GPHN: variants seen among roughly 807,000 people sequenced by gnomAD.
The protein encoded by GPHN is gephyrin.
Under a neutral mutation model 95.5 loss-of-function variants are expected in GPHN, and 17 were observed. The observed-to-expected ratio is 0.18, with a 90% CI of 0.12 to 0.27. The LOEUF (loss-of-function observed/expected upper bound fraction) is 0.27. Ranked by LOEUF, GPHN falls within the 10% of genes least tolerant of loss-of-function variation. The pLI is 1.00. For missense variants in GPHN, 660 were observed against 978.1 expected, an observed-to-expected ratio of 0.67 and a Z score of 4.34; for synonymous variants, 320 against 322.5, an observed-to-expected ratio of 0.99 and a Z score of 0.08.
At chr14:66,721,633 T>G (rs1218277404) in intron 2 of GPHN, among the ~76,000 whole-genome samples, 2 of 152,140 alleles carry the variant, frequency 1.3e-5, no homozygotes, top group Non-Finnish European at 1.5e-5. Flanking sequence ...CAATGTTAAT[T>G]TAAAGTCAAA....
chr14:67,301,439 T>C, the GPHN span: 1 of 1,610,918 alleles, frequency 6.2e-7, no homozygotes, highest in Non-Finnish European at 8.5e-7. Flanking sequence ...AAGAACTAAC[T>C]GCTTTGCTGA....
the GPHN span, among the ~76,000 whole-genome samples, chr14:67,299,202 T>C: frequency 0.15 from 23,514 of 152,156 alleles, 3,420 homozygotes; most frequent in East Asian, 0.42. Context: ...TCTCTATCTT[T>C]TGTGAAATAT....
the GPHN span, among the ~76,000 whole-genome samples, chr14:67,670,293 C>G: frequency 1.3e-5 from 2 of 152,138 alleles, no homozygotes; most frequent in Non-Finnish European, 2.9e-5. Flanking sequence ...CAATGTGACA[C>G]TGAGATCCCC....
At chr14:67,129,832 GGGAGGGAGGAAGGAAGGAAGGAAGGC>G (rs1432091518) in intron 17 of GPHN, among the ~76,000 whole-genome samples, 2 of 146,110 alleles carry the variant, frequency 1.4e-5, no homozygotes, top group Admixed American at 1.4e-4. Context: ...GGAAGGGAGA[GGGAGGGAGGAAGGAAGGAAGGAAGGC>G]GGAGGGAGGG....
chr14:66,814,400 CA>C (rs1391126922), intron 3 of GPHN, among the ~76,000 whole-genome samples: 1 of 152,154 alleles, frequency 6.6e-6, no homozygotes, highest in East Asian at 1.9e-4. Flanking sequence ...GGGAGGCAGG[CA>C]CCCCTGCATC....
intron 14 of GPHN, among the ~76,000 whole-genome samples, 196 bp downstream of exon 14, chr14:67,110,455 G>A (rs1206785606): frequency 1.3e-5 from 2 of 152,184 alleles, no homozygotes; most frequent in Admixed American, 6.5e-5. Context: ...TTGAAAATCT[G>A]TTGTTACAGG....
chr14:66,815,603 AG>A (rs1460407898), intron 3 of GPHN, among the ~76,000 whole-genome samples: 1 of 152,212 alleles, frequency 6.6e-6, no homozygotes, highest in Non-Finnish European at 1.5e-5. Context: ...TTTTCAGACG[AG>A]CAAATGCTAA....
chr14:67,082,378 G>C (rs113198828), intron 11 of GPHN, among the ~76,000 whole-genome samples: 79 of 152,164 alleles, frequency 5.2e-4, no homozygotes, highest in African/African-American at 1.7e-3. Context: ...AGCACCATTT[G>C]TTGAAGAGAC....
chr14:67,605,168 T>TCTTAACTATGCCGCATG, the GPHN span, among the ~76,000 whole-genome samples: 1 of 152,210 alleles, frequency 6.6e-6, no homozygotes, highest in Non-Finnish European at 1.5e-5. Context: ...AGAATTGACA[T>TCTTAACTATGCCGCATG]CTTAACTATG....
chr14:67,280,853 T>TTCCTTCCTTCCTTCCTTCCTTCCTTCCC, the GPHN span, among the ~76,000 whole-genome samples: 1 of 77,576 alleles, frequency 1.3e-5, no homozygotes, highest in Non-Finnish European at 2.1e-5. Context: ...CCTTCCTTCC[T>TTCCTTCCTTCCTTCCTTCCTTCCTTCCC]TCCCTCCCTC....
At chr14:66,959,194 T>G (rs1264084385) in intron 8 of GPHN, among the ~76,000 whole-genome samples, 1 of 152,154 alleles carries the variant, frequency 6.6e-6, no homozygotes, top group Non-Finnish European at 1.5e-5. Context: ...TTTATGTAGT[T>G]TTTTTAATTA....
intron 3 of GPHN, among the ~76,000 whole-genome samples, chr14:66,805,374 C>T (rs1320769317): frequency 6.6e-6 from 1 of 152,124 alleles, no homozygotes; most frequent in Non-Finnish European, 1.5e-5. Context: ...CATATCATTT[C>T]ACCCCTGGCC....
intron 1 of GPHN, among the ~76,000 whole-genome samples, chr14:66,555,437 T>C (rs1469330479): frequency 6.6e-6 from 1 of 152,138 alleles, no homozygotes; most frequent in African/African-American, 2.4e-5. Flanking sequence ...GTGTGGCGTA[T>C]GGTAGGTGCT....
chr14:66,920,866 G>A (rs148210442), intron 6 of GPHN, among the ~76,000 whole-genome samples: 1,832 of 152,174 alleles, frequency 0.012, 19 homozygotes, highest in Non-Finnish European at 0.018. Flanking sequence ...TTCCATTTCT[G>A]AGTTACTTCA....
At chr14:66,572,433 G>A (rs900145081) in intron 1 of GPHN, among the ~76,000 whole-genome samples, 4 of 151,558 alleles carry the variant, frequency 2.6e-5, no homozygotes, top group Non-Finnish European at 4.4e-5. Flanking sequence ...TGCGTGTTTC[G>A]TACTTTTCAG....
intron 1 of GPHN, among the ~76,000 whole-genome samples, chr14:66,518,069 C>G (rs2058322240): frequency 1.3e-5 from 2 of 148,626 alleles, no homozygotes; most frequent in Non-Finnish European, 3.0e-5. Flanking sequence ...CTAGGATATA[C>G]AAGAAACTCA....
intron 10 of GPHN, among the ~76,000 whole-genome samples, chr14:67,041,210 TTC>T (rs2074682407): frequency 6.6e-6 from 1 of 152,224 alleles, no homozygotes; most frequent in South Asian, 2.1e-4. Context: ...TACAAACACT[TTC>T]TTTTTTTTTA....
the GPHN span, chr14:67,384,288 T>C: frequency 6.6e-6 from 1 of 152,152 alleles, no homozygotes; most frequent in Admixed American, 6.5e-5. Flanking sequence ...TTTTTATTGC[T>C]ATTAAAATAT....
intron 9 of GPHN, among the ~76,000 whole-genome samples, chr14:67,019,604 A>G (rs2073495697): frequency 6.6e-6 from 1 of 152,184 alleles, no homozygotes; most frequent in Non-Finnish European, 1.5e-5. Context: ...TTATGAACCT[A>G]TTCTTAACAC....
Sources: allele counts gnomAD v4.1 joint callset (sites outside exome capture counted in the v4.1 genomes callset), GRCh38; gene constraint gnomAD v4.1.1; transcripts MANE v1.5; gene names NCBI Gene and HGNC (gene_info 2026-07-23, HGNC 2026-07-21).